AUTS2: variants seen among roughly 807,000 people sequenced by gnomAD.
The protein encoded by AUTS2 is activator of transcription and developmental regulator AUTS2, also known as autism susceptibility gene 2 protein.
A neutral mutation model predicts 112.4 loss-of-function variants in AUTS2; 17 were observed. The ratio of observed to expected loss-of-function variants is 0.15; its 90% CI spans 0.10 to 0.23. The LOEUF (loss-of-function observed/expected upper bound fraction) is 0.23, where lower values mean the gene tolerates loss of function less well. Ranked by LOEUF, AUTS2 falls within the 10% of genes least tolerant of loss-of-function variation. The pLI is 1.00. For synonymous variants in AUTS2, 751 were observed against 702.7 expected, an observed-to-expected ratio of 1.07 and a Z score of -1.09; for missense variants, 1,510 against 1,701.6, an observed-to-expected ratio of 0.89 and a Z score of 1.98.
intron 5 of AUTS2, among the ~76,000 whole-genome samples, chr7:70,661,478 A>T (rs1807065795): frequency 6.6e-6 from 1 of 152,156 alleles, no homozygotes; most frequent in Non-Finnish European, 1.5e-5. Flanking sequence ...ACATCCTGAA[A>T]CACACACGCT....
intron 6 of AUTS2, among the ~76,000 whole-genome samples, chr7:70,734,206 G>A (rs13225761): frequency 0.062 from 9,445 of 151,990 alleles, 411 homozygotes; most frequent in South Asian, 0.16. Context: ...TTGGGAGGCC[G>A]AGGCGGGCGG....
At chr7:70,335,658 G>A (rs976159046) in intron 4 of AUTS2, among the ~76,000 whole-genome samples, 15 of 152,306 alleles carry the variant, frequency 9.8e-5, no homozygotes, top group East Asian at 1.9e-4. Flanking sequence ...ACAGTGAGGC[G>A]TCTCTTGGAT....
intron 6 of AUTS2, among the ~76,000 whole-genome samples, chr7:70,722,148 C>T (rs939553067): frequency 6.6e-6 from 1 of 152,020 alleles, no homozygotes; most frequent in African/African-American, 2.4e-5. Flanking sequence ...CCGGCCCCAA[C>T]CCCTTTTAAA....
intron 6 of AUTS2, among the ~76,000 whole-genome samples, chr7:70,761,399 A>G (rs2129556729): frequency 6.6e-6 from 1 of 152,374 alleles, no homozygotes; most frequent in East Asian, 1.9e-4. Flanking sequence ...CAATGAGGTA[A>G]GAGGAGAAAG....
intron 1 of AUTS2, among the ~76,000 whole-genome samples, chr7:69,717,145 T>G (rs1798656473): frequency 6.6e-6 from 1 of 152,196 alleles, no homozygotes; most frequent in Non-Finnish European, 1.5e-5. Context: ...TTCCAAAGTT[T>G]TTTTCTCCCC....
chr7:69,660,573 G>A (rs1276040927), intron 1 of AUTS2, among the ~76,000 whole-genome samples: 3 of 152,154 alleles, frequency 2.0e-5, no homozygotes, highest in South Asian at 2.1e-4. Flanking sequence ...TTAGTGAGAA[G>A]TTGATCTGGA....
intron 2 of AUTS2, among the ~76,000 whole-genome samples, chr7:70,053,556 T>TTTTTTGG (rs1563067830): frequency 1.3e-5 from 2 of 150,660 alleles, no homozygotes; most frequent in African/African-American, 2.5e-5. Flanking sequence ...TTTTTTTTTT[T>TTTTTTGG]GGAGACAGGA....
chr7:70,180,693 A>ATCTGCCATC (rs1448872082), intron 4 of AUTS2, among the ~76,000 whole-genome samples: 1 of 152,026 alleles, frequency 6.6e-6, no homozygotes, highest in Non-Finnish European at 1.5e-5. Context: ...ATGAACTGCA[A>ATCTGCCATC]CCTACATTCT....
rs544744109 is a variant in AUTS2, at chr7:69,981,067, G to A, written c.522+81569G>A. ...TAATTCAACAATTGTTTTTTGAGAG[G>A]CCCACATTTATTAAATGTTTATCTT... On this transcript the variant is annotated intron_variant, in intron 2 of 18. Transcript: ENST00000342771. 1.1e-4 allele frequency among the ~76,000 whole-genome samples: 17 copies of A among 152,142 alleles called. 2 individuals carry two copies. In the South Asian group the frequency reaches 3.3e-3, roughly 30 times the overall value.
At chr7:70,263,835 C>T (rs1215798009) in intron 4 of AUTS2, among the ~76,000 whole-genome samples, 3 of 152,138 alleles carry the variant, frequency 2.0e-5, no homozygotes, top group Admixed American at 6.5e-5. Context: ...ATACTGAAAA[C>T]GAGTATGCTT....
chr7:69,614,641 C>T (rs1793265769), intron 1 of AUTS2, among the ~76,000 whole-genome samples: 1 of 151,976 alleles, frequency 6.6e-6, no homozygotes, highest in Non-Finnish European at 1.5e-5. Flanking sequence ...TGAACCACTA[C>T]CCCTGCTAAT....
At chr7:70,217,153 T>G (rs187927212) in intron 4 of AUTS2, among the ~76,000 whole-genome samples, 4 of 152,332 alleles carry the variant, frequency 2.6e-5, no homozygotes, top group African/African-American at 9.6e-5. Flanking sequence ...TGTCCACAGT[T>G]TAGAATAAAA....
intron 4 of AUTS2, among the ~76,000 whole-genome samples, chr7:70,433,671 A>T (rs1474472306): frequency 6.6e-6 from 1 of 152,224 alleles, no homozygotes; most frequent in Non-Finnish European, 1.5e-5. Context: ...GATGCACCGT[A>T]CTTGGTTAAA....
At chr7:70,155,968 T>C (rs1439106032) in intron 4 of AUTS2, among the ~76,000 whole-genome samples, 1 of 152,174 alleles carries the variant, frequency 6.6e-6, no homozygotes, top group Non-Finnish European at 1.5e-5. Context: ...AGGATCCTGT[T>C]GGTTTTGTTT....
Position 70,791,096 on chromosome 7 carries a change from G to C in AUTS2, c.*100G>C. On this transcript the variant is annotated 3_prime_UTR_variant, in exon 19 of 19. Coordinates refer to ENST00000342771, the MANE Select transcript of AUTS2 (RefSeq NM_015570.4). ...CTGCATGGCTCACACAGACTGGGGG[G>C]GAAAGCCCCACCCCTTCCCCTTGTA... The C allele has an allele frequency of 1.7e-6, 2 of 1,208,580 alleles. No individual in the cohort carries two copies. Among genetic ancestry groups the C allele is most frequent in the Non-Finnish European group, 2.1e-6 (2 of 934,318 alleles). 74.9% of individuals were successfully genotyped at this position (1,208,580 alleles called of 1,614,324 possible).
chr7:69,691,201 G>A (rs570361072), intron 1 of AUTS2, among the ~76,000 whole-genome samples: 7 of 152,250 alleles, frequency 4.6e-5, no homozygotes, highest in African/African-American at 1.2e-4. Flanking sequence ...AGAAAGCACC[G>A]TAAGTTCTTA....
chr7:70,695,676 A>C, intron 5 of AUTS2, among the ~76,000 whole-genome samples: 1 of 152,128 alleles, frequency 6.6e-6, no homozygotes, highest in South Asian at 2.1e-4. Flanking sequence ...GCTTTTTATA[A>C]GTTTTCCTTA....
At chr7:70,501,530 C>T (rs1798771593) in intron 5 of AUTS2, among the ~76,000 whole-genome samples, 1 of 152,180 alleles carries the variant, frequency 6.6e-6, no homozygotes, top group South Asian at 2.1e-4. Flanking sequence ...GCCACACCCA[C>T]AGGTGACAAA....
chr7:69,729,501 G>A (rs1786686706), intron 1 of AUTS2, among the ~76,000 whole-genome samples: 1 of 139,664 alleles, frequency 7.2e-6, no homozygotes, highest in Non-Finnish European at 1.5e-5. Context: ...GATTATATCG[G>A]AATACTTTTG....
Sources: allele counts gnomAD v4.1 joint callset (sites outside exome capture counted in the v4.1 genomes callset), GRCh38; gene constraint gnomAD v4.1.1; transcripts MANE v1.5; gene names NCBI Gene and HGNC (gene_info 2026-07-23, HGNC 2026-07-21).